Variants in CCSER1 observed in about 807,000 individuals in gnomAD.
CCSER1 encodes the protein coiled-coil serine rich protein 1.
Under a neutral mutation model 82.0 loss-of-function variants are expected in CCSER1, and 41 were observed. The ratio of observed to expected loss-of-function variants is 0.50; its 90% CI spans 0.39 to 0.65. The LOEUF (loss-of-function observed/expected upper bound fraction) is 0.65. CCSER1 is among the 30% of genes least tolerant of loss of function. The pLI is 0.00. For synonymous variants in CCSER1, 414 were observed against 383.9 expected, an observed-to-expected ratio of 1.08 and a Z score of -0.92; for missense variants, 1,119 against 1,064.2, an observed-to-expected ratio of 1.05 and a Z score of -0.72.
At chr4:90,436,421 C>T (rs186681195) in intron 4 of CCSER1, among the ~76,000 whole-genome samples, 5 of 152,250 alleles carry the variant, frequency 3.3e-5, no homozygotes, top group Non-Finnish European at 4.4e-5. Flanking sequence ...CACAGCTTAG[C>T]AGTGATGTAA....
chr4:90,396,267 T>G (rs1229424471), intron 3 of CCSER1, among the ~76,000 whole-genome samples: 1 of 152,198 alleles, frequency 6.6e-6, no homozygotes, highest in East Asian at 1.9e-4. Context: ...CCTCTTATAT[T>G]TGAGATATCA....
At chr4:90,394,285 G>A (rs7678183) in intron 3 of CCSER1, among the ~76,000 whole-genome samples, 42,392 of 151,774 alleles carry the variant, frequency 0.28, 9,215 homozygotes, top group African/African-American at 0.61. Flanking sequence ...TATATGAGGA[G>A]AGACACCATG....
At chr4:91,095,555 T>C (rs1724423155) in intron 10 of CCSER1, among the ~76,000 whole-genome samples, 1 of 152,138 alleles carries the variant, frequency 6.6e-6, no homozygotes, top group Non-Finnish European at 1.5e-5. Flanking sequence ...AAACAGCCTG[T>C]TTTTGCGATT....
At chr4:90,261,267 T>C (rs763334077) in intron 1 of CCSER1, among the ~76,000 whole-genome samples, 4 of 152,150 alleles carry the variant, frequency 2.6e-5, no homozygotes, top group Non-Finnish European at 5.9e-5. Context: ...TTTAGAACTT[T>C]TAGCATTTTT....
At chr4:91,088,516 T>C (rs1351650809) in intron 10 of CCSER1, among the ~76,000 whole-genome samples, 2 of 152,182 alleles carry the variant, frequency 1.3e-5, no homozygotes, top group African/African-American at 4.8e-5. Context: ...GTGATTAAAA[T>C]GTAAATTACT....
intron 9 of CCSER1, among the ~76,000 whole-genome samples, chr4:91,062,583 T>G (rs1225979915): frequency 1.3e-5 from 2 of 152,116 alleles, no homozygotes; most frequent in East Asian, 3.9e-4. Flanking sequence ...GTACACCACA[T>G]TAAAACACTT....
At chr4:91,053,712 T>C (rs1743196450) in intron 9 of CCSER1, among the ~76,000 whole-genome samples, 1 of 152,214 alleles carries the variant, frequency 6.6e-6, no homozygotes, top group Admixed American at 6.5e-5. Context: ...AACTATTCTA[T>C]GGATAAGTGA....
intron 9 of CCSER1, among the ~76,000 whole-genome samples, chr4:90,948,612 T>A (rs1732542053): frequency 6.6e-6 from 1 of 151,798 alleles, no homozygotes; most frequent in Non-Finnish European, 1.5e-5. Flanking sequence ...TTCTCACTGT[T>A]TGGCAATAAT....
Position 91,598,797 on chromosome 4 carries a change from TCAGACGTTACA to T in CCSER1, c.2448_2458del (p.Asp816GlufsTer16). 6.4e-7 allele frequency: 1 copy of T among 1,551,600 alleles called. No homozygotes were observed. Among genetic ancestry groups the T allele is most frequent in the Non-Finnish European group, 8.7e-7 (1 of 1,146,922 alleles). ...AAGAGGAACTTATGAAACCCTCACT[TCAGACGTTACA>T]CAGAACTTACGGGCCACCGTTGGGC... is the stretch of plus-strand genomic sequence containing the variant. On this transcript the variant is annotated frameshift_variant, in exon 11 of 11. Transcript: ENST00000509176. LOFTEE classifies it high-confidence loss of function.
intron 4 of CCSER1, among the ~76,000 whole-genome samples, chr4:90,454,240 T>G (rs1761883022): frequency 6.6e-6 from 1 of 151,602 alleles, no homozygotes; most frequent in Admixed American, 6.6e-5. Context: ...TTTTTTTTTT[T>G]TTTTTGGATT....
intron 10 of CCSER1, among the ~76,000 whole-genome samples, chr4:91,348,272 G>C (rs888571315): frequency 6.6e-6 from 1 of 151,856 alleles, no homozygotes; most frequent in East Asian, 1.9e-4. Flanking sequence ...TTGATGTGAG[G>C]GATTATAGTA....
At chr4:91,286,519 A>G (rs2149211339) in intron 10 of CCSER1, among the ~76,000 whole-genome samples, 1 of 151,928 alleles carries the variant, frequency 6.6e-6, no homozygotes, top group Admixed American at 6.6e-5. Flanking sequence ...TAAAATTGTA[A>G]TCAGTATTGT....
chr4:90,440,543 A>G (rs1759715812), intron 4 of CCSER1, among the ~76,000 whole-genome samples: 1 of 152,222 alleles, frequency 6.6e-6, no homozygotes, highest in South Asian at 2.1e-4. Context: ...AATAGCAAAC[A>G]TAACTCCAGT....
intron 9 of CCSER1, among the ~76,000 whole-genome samples, chr4:90,940,488 T>C (rs536749183): frequency 1.9e-4 from 28 of 151,292 alleles, no homozygotes; most frequent in African/African-American, 6.5e-4. Context: ...TTAAAGTGTT[T>C]TATAAATATT....
intron 9 of CCSER1, among the ~76,000 whole-genome samples, chr4:90,968,558 A>T (rs1397564597): frequency 1.3e-5 from 2 of 152,146 alleles, no homozygotes; most frequent in African/African-American, 4.8e-5. Context: ...ATGGCTTTGT[A>T]GAATTGAGAG....
chr4:90,811,134 C>T (rs571990893), intron 7 of CCSER1, among the ~76,000 whole-genome samples: 5 of 152,154 alleles, frequency 3.3e-5, no homozygotes, highest in East Asian at 3.9e-4. Context: ...CCACCGCATC[C>T]GGCAGGAGTA....
intron 9 of CCSER1, among the ~76,000 whole-genome samples, chr4:91,068,577 T>G (rs1209250955): frequency 1.3e-5 from 2 of 152,212 alleles, no homozygotes. Flanking sequence ...AGTTTTACAT[T>G]ATGAGTACTA....
rs533329105 is a variant in CCSER1 at position 90,852,217 on chromosome 4, A to T, written c.2094+36372A>T. 3.3e-5 allele frequency among the ~76,000 whole-genome samples: 5 copies of T among 152,348 alleles called. No individual in the cohort carries two copies. The South Asian group carries it at 1.0e-3, about 32-fold the overall frequency. ...GAAGAGCCCACTCACCCTAAAGCTGAGATCTAGATCTTGCTGAATAGCGTA... is the reference window on the plus strand; with the variant it reads ...GAAGAGCCCACTCACCCTAAAGCTGTGATCTAGATCTTGCTGAATAGCGTA... On this transcript the variant is annotated intron_variant, in intron 8 of 10. Transcript: ENST00000509176.
chr4:90,541,433 G>C (rs1776095333), intron 5 of CCSER1, among the ~76,000 whole-genome samples: 1 of 152,138 alleles, frequency 6.6e-6, no homozygotes, highest in Middle Eastern at 3.4e-3. Flanking sequence ...TTAGCTGTTG[G>C]CCTTCAAATC....
Sources: gnomAD v4.1 joint callset for allele counts (sites outside exome capture counted in the v4.1 genomes callset) on GRCh38, gnomAD v4.1.1 for gene constraint, MANE v1.5 for transcripts, NCBI Gene and HGNC (gene_info 2026-07-23, HGNC 2026-07-21) for gene names.